The following DSG2 variants were observed in gnomAD, a reference collection of about 807,000 sequenced individuals.
The protein encoded by DSG2 is desmoglein-2.
DSG2 carries 45 observed loss-of-function variants against 75.6 expected under a neutral mutation model. The ratio of observed to expected loss-of-function variants is 0.60; its 90% CI spans 0.47 to 0.76. The LOEUF is 0.76. Among genes scored for constraint, DSG2 ranks in the 30% least tolerant of loss-of-function variants. DSG2 has a pLI of 0.00. For missense variants in DSG2, 1,267 were observed against 1,357.4 expected, an observed-to-expected ratio of 0.93 and a Z score of 1.05; for synonymous variants, 429 against 483.9, an observed-to-expected ratio of 0.89 and a Z score of 1.49.
Position 31,546,952 on chromosome 18 carries a change from A to T in DSG2, c.*209A>T, listed in dbSNP as rs1430563829. 7.8e-6 allele frequency: 5 copies of T among 645,056 alleles called. No homozygotes were observed. The highest frequency in any genetic ancestry group is 5.4e-5 in the African/African-American group (3 of 55,616). 40.0% of individuals were successfully genotyped at this position (645,056 alleles called of 1,614,324 possible). A position where few individuals can be genotyped will look rare whatever the true frequency, so the allele number is the denominator to read the frequency against. On this transcript the variant is annotated 3_prime_UTR_variant, in exon 15 of 15. Coordinates refer to ENST00000261590, the MANE Select transcript of DSG2 (RefSeq NM_001943.5). The stretch of plus-strand genomic sequence containing the variant: ...AAATGTTCCACAATTTACTGAAGAC[A>T]TAGAGATGATGCTGCTGCTTAGGTG...
In DSG2 at chr18:31,542,998, C is replaced by CTAA; in HGVS notation, c.2334+146_2334+147insTAA. 4.5e-6 allele frequency: 3 copies of CTAA among 669,946 alleles called. No individual in the cohort carries two copies. In the East Asian group the frequency reaches 8.5e-5, roughly 19 times the overall value. 41.5% of individuals were successfully genotyped at this position (669,946 alleles called of 1,614,324 possible). Reference sequence around the variant, plus strand: ...TCTTTTTTCAGGGAATACTTATAGGCAATAAGGAAAGAGAAATGGGACCCA... The same window carrying CTAA: ...TCTTTTTTCAGGGAATACTTATAGGCTAAAATAAGGAAAGAGAAATGGGACCCA... On this transcript the variant is annotated intron_variant, in intron 14 of 14. Coordinates refer to ENST00000261590, the MANE Select transcript of DSG2 (RefSeq NM_001943.5).
At chr18:31,521,279 A>G (rs1328906889) in intron 5 of DSG2, 36 bp downstream of exon 5, 8 of 1,553,222 alleles carry the variant, frequency 5.2e-6, no homozygotes, top group Non-Finnish European at 7.0e-6. Context: ...ATAAATAAAT[A>G]CCTAAGATTA....
intron 1 of DSG2, among the ~76,000 whole-genome samples, chr18:31,505,835 T>C (rs987539876): frequency 5.3e-5 from 8 of 152,070 alleles, no homozygotes; most frequent in South Asian, 2.1e-4. Context: ...CTAATTTTTG[T>C]ATTTTTAGTA....
At chr18:31,530,578 C>T (rs2073189741) in intron 8 of DSG2, among the ~76,000 whole-genome samples, 2 of 152,060 alleles carry the variant, frequency 1.3e-5, no homozygotes, top group Non-Finnish European at 2.9e-5. Context: ...CTATCATGCA[C>T]AGCTAATTTT....
chr18:31,541,198 C>T lies in DSG2; in HGVS notation c.1885C>T (p.Pro629Ser), dbSNP rs200804638. ...ILAFLLLLLVPLLLLMCHCGK... is the reference protein window; with the variant it reads ...ILAFLLLLLVSLLLLMCHCGK... ...TCAATTTTGTGTCTGTACAGTGGTA[C>T]CACTTTTACTGCTGATGTGCCATTG... Residue 629 changes from proline (P) to serine (S), a missense_variant, in exon 13 of 15, where the codon CCA becomes TCA. By Grantham distance (74) the Pro-to-Ser change is moderately conservative (BLOSUM62 -1). Transcript: ENST00000261590. The T allele has an allele frequency of 3.0e-5, 48 of 1,613,990 alleles. No homozygotes were observed. Among genetic ancestry groups the T allele is most frequent in the Admixed American group, 8.3e-5 (5 of 60,008 alleles).
chr18:31,515,179 T>C (rs1267705184), intron 1 of DSG2, among the ~76,000 whole-genome samples: 1 of 152,180 alleles, frequency 6.6e-6, no homozygotes, highest in African/African-American at 2.4e-5. Flanking sequence ...CTCGGCCGAC[T>C]GCAAACTCTG....
At chr18:31,544,574 G>C (rs1567933841) in intron 14 of DSG2, among the ~76,000 whole-genome samples, 2 of 151,736 alleles carry the variant, frequency 1.3e-5, no homozygotes, top group Admixed American at 1.3e-4. Flanking sequence ...TTTTAGAGCA[G>C]AAATCAATGA....
chr18:31,529,398 T>C (rs2073181221), intron 8 of DSG2, among the ~76,000 whole-genome samples: 1 of 152,204 alleles, frequency 6.6e-6, no homozygotes, highest in African/African-American at 2.4e-5. Context: ...TTATTTCTCA[T>C]CCGGCATATA....
At position 31,546,373 on chromosome 18, in the gene DSG2, G is replaced by A. The variant is rs1567934945; in HGVS notation, c.2987G>A (p.Gly996Glu). The change falls in exon 15 of 15, where the codon GGG becomes GAG. Residue 996 changes from glycine (G) to glutamate (E), a missense_variant. By Grantham distance (98) the Gly-to-Glu change is moderately conservative. Transcript: ENST00000261590. ...VVTERVIQPH[G>E]GGSNPLEGTQ... Reference sequence around the variant, plus strand: ...ACTGAAAGAGTAATACAGCCTCATGGGGGTGGATCGAATCCTCTGGAAGGC... The same window carrying A: ...ACTGAAAGAGTAATACAGCCTCATGAGGGTGGATCGAATCCTCTGGAAGGC... The A allele has an allele frequency of 1.9e-6, 3 of 1,613,970 alleles. No individual in the cohort carries two copies. Among genetic ancestry groups the A allele is most frequent in the Non-Finnish European group, 2.5e-6 (3 of 1,179,970 alleles).
At position 31,545,640 on chromosome 18, in the gene DSG2, T is replaced by C. The variant is rs2073299254; in HGVS notation, c.2335-81T>C. 2.0e-6 allele frequency: 3 copies of C among 1,492,804 alleles called. No homozygotes were observed. The South Asian group carries it at 3.5e-5, about 17-fold the overall frequency. 92.5% of individuals were successfully genotyped at this position (1,492,804 alleles called of 1,614,324 possible). A position where few individuals can be genotyped will look rare whatever the true frequency, so the allele number is the denominator to read the frequency against. On this transcript the variant is annotated intron_variant, in intron 14 of 14. Coordinates refer to ENST00000261590, the MANE Select transcript of DSG2 (RefSeq NM_001943.5). Reference sequence around the variant, plus strand: ...CACATTACTGCATTTTGAACAGGAATATAGAGTCTTGTTTTAAAATGAATT... The same window carrying C: ...CACATTACTGCATTTTGAACAGGAACATAGAGTCTTGTTTTAAAATGAATT...
chr18:31,501,066 C>G (rs1182726717), intron 1 of DSG2, among the ~76,000 whole-genome samples: 1 of 152,172 alleles, frequency 6.6e-6, no homozygotes, highest in Non-Finnish European at 1.5e-5. Flanking sequence ...CACTAATAGA[C>G]TTTCTACTAG....
intron 1 of DSG2, among the ~76,000 whole-genome samples, chr18:31,498,564 C>A (rs2072997131): frequency 6.6e-6 from 1 of 152,110 alleles, no homozygotes; most frequent in Non-Finnish European, 1.5e-5. Flanking sequence ...GGCCCCAGCG[C>A]CCTTTTCTGT....
At chr18:31,509,771 T>A (rs889530879) in intron 1 of DSG2, among the ~76,000 whole-genome samples, 2 of 152,160 alleles carry the variant, frequency 1.3e-5, no homozygotes, top group Admixed American at 6.5e-5. Context: ...ACATGTACAT[T>A]TCTATGACTG....
At chr18:31,504,367 C>T (rs2073028500) in intron 1 of DSG2, among the ~76,000 whole-genome samples, 1 of 152,148 alleles carries the variant, frequency 6.6e-6, no homozygotes, top group Non-Finnish European at 1.5e-5. Flanking sequence ...CTCCTTAGAC[C>T]CCAAAAGTGC....
chr18:31,521,007 G>C (rs747900225), intron 4 of DSG2, 43 bp downstream of exon 4: 13 of 1,608,446 alleles, frequency 8.1e-6, no homozygotes, highest in African/African-American at 1.3e-5. Flanking sequence ...TAGTTTTTCT[G>C]TCATAATAAG....
At chr18:31,534,754 C>T (rs953235159) in intron 9 of DSG2, among the ~76,000 whole-genome samples, 1 of 152,134 alleles carries the variant, frequency 6.6e-6, no homozygotes, top group African/African-American at 2.4e-5. Flanking sequence ...AAGTGATCCA[C>T]CCGCCTCAGC....
intron 2 of DSG2, 135 bp from the exon 3 acceptor site, chr18:31,519,668 A>G (rs541314867): frequency 1.1e-6 from 1 of 897,994 alleles, no homozygotes; most frequent in Admixed American, 2.2e-5. Flanking sequence ...CCTTTTAGAC[A>G]ATGAAGCCTC....
At chr18:31,523,775 T>C (rs1434279379) in intron 6 of DSG2, among the ~76,000 whole-genome samples, 5 of 152,200 alleles carry the variant, frequency 3.3e-5, no homozygotes, top group Non-Finnish European at 7.3e-5. Flanking sequence ...TCAAAGCGAA[T>C]AAGTGCATGT....
chr18:31,510,832 G>T (rs1176181871), intron 1 of DSG2, among the ~76,000 whole-genome samples: 2 of 152,156 alleles, frequency 1.3e-5, no homozygotes, highest in African/African-American at 4.8e-5. Flanking sequence ...AAGTCATGTT[G>T]CAGGTGACAT....
Sources: allele counts gnomAD v4.1 joint callset (sites outside exome capture counted in the v4.1 genomes callset), GRCh38; gene constraint gnomAD v4.1.1; transcripts MANE v1.5; gene names NCBI Gene and HGNC (gene_info 2026-07-23, HGNC 2026-07-21).